ZNF124: variants seen among roughly 807,000 people sequenced by gnomAD.
The protein encoded by ZNF124 is zinc finger protein 124, also known as zinc finger protein HZF-16.
ZNF124 carries 25 observed loss-of-function variants against 26.6 expected under a neutral mutation model. The observed-to-expected ratio is 0.94, with a 90% CI of 0.68 to 1.31. The LOEUF is 1.31. Ranked by LOEUF, ZNF124 falls within the 40% of genes most tolerant of loss-of-function variation. ZNF124 has a pLI of 0.00. For synonymous variants in ZNF124, 129 were observed against 133.3 expected (o/e 0.97, Z 0.22); for missense variants, 444 against 422.2 (o/e 1.05, Z -0.45).
In ZNF124 at chr1:247,130,061, G is replaced by GAGA. The variant is rs1558370673; in HGVS notation, c.219-6191_219-6190insTCT. Among the ~76,000 whole-genome samples, 116 of 152,184 alleles carry GAGA rather than the reference G, an allele frequency of 7.6e-4. 1 individual carries two copies. The highest frequency in any genetic ancestry group is 3.6e-3 in the Admixed American group (55 of 15,286). ...CTTGACCCTTGAGTCAGCCATGTCCGTGCTCGTCAGTACTGCTACTCGTTT... is the reference window on the plus strand; with the variant it reads ...CTTGACCCTTGAGTCAGCCATGTCCGAGATGCTCGTCAGTACTGCTACTCGTTT... On this transcript the variant is annotated intron_variant, in intron 3 of 3. Transcript: ENST00000472531.
At chr1:247,163,196 T>A (rs760951587) in intron 1 of ZNF124, among the ~76,000 whole-genome samples, 1 of 151,748 alleles carries the variant, frequency 6.6e-6, no homozygotes, top group Non-Finnish European at 1.5e-5. Flanking sequence ...CATCAAAAAC[T>A]TTGAAAAGAT....
In ZNF124 at chr1:247,156,748, A is replaced by C. The variant is rs189653677; in HGVS notation, c.874T>G (p.Cys292Gly). 1.2e-6 allele frequency: 2 copies of C among 1,613,092 alleles called. No individual in the cohort carries two copies. The highest frequency in any genetic ancestry group is 2.2e-5 in the South Asian group (2 of 90,942). The part of the protein sequence containing the change: ...KTHIAQKPYV[C>G]NNCGKGFRCS... ...CTGAAGCCTTTACCACAATTGTTAC[A>C]TACATAGGGTTTCTGTGCAATATGA... Residue 292 changes from cysteine (C) to glycine (G), a missense_variant, in exon 4 of 4, where the codon TGT becomes GGT. Physicochemically the swap from Cys to Gly is radical, Grantham distance 159 (BLOSUM62 -3). Transcript: ENST00000543802.
chr1:247,130,132 G>A (rs1008767743), intron 3 of ZNF124, among the ~76,000 whole-genome samples: 18 of 152,154 alleles, frequency 1.2e-4, no homozygotes, highest in Admixed American at 4.6e-4. Context: ...TCAGTTTTTC[G>A]CTGATTGAAA....
At chr1:247,136,872 A>C (rs1376497021) in intron 3 of ZNF124, among the ~76,000 whole-genome samples, 1 of 151,846 alleles carries the variant, frequency 6.6e-6, no homozygotes, top group Non-Finnish European at 1.5e-5. Context: ...ACTTGATCCC[A>C]GGAGTTGGAA....
chr1:247,128,587 C>G (rs1320499513), intron 3 of ZNF124, among the ~76,000 whole-genome samples: 1 of 150,786 alleles, frequency 6.6e-6, no homozygotes, highest in Non-Finnish European at 1.5e-5. Flanking sequence ...CTTCTATACT[C>G]TTCCTCTAAA....
intron 1 of ZNF124, among the ~76,000 whole-genome samples, chr1:247,161,445 T>G (rs1281290143): frequency 3.3e-5 from 5 of 152,100 alleles, no homozygotes; most frequent in Non-Finnish European, 1.5e-5. Flanking sequence ...AAGTAAAAAG[T>G]ATAAATAGAC....
At chr1:247,153,898 A>G (rs1673016595), downstream of ZNF124, among the ~76,000 whole-genome samples, 1 of 152,164 alleles carries the variant, frequency 6.6e-6, no homozygotes, top group Non-Finnish European at 1.5e-5. Flanking sequence ...GATAATATAA[A>G]GTGATTATTT....
chr1:247,125,788 TGA>T (rs1672203775), intron 3 of ZNF124, among the ~76,000 whole-genome samples: 1 of 152,182 alleles, frequency 6.6e-6, no homozygotes, highest in Admixed American at 6.5e-5. Flanking sequence ...ACAACTTTAT[TGA>T]GAGAGGATTC....
At chr1:247,122,280 A>C (rs1672100599) in exon 4 of ZNF124, 1 of 152,350 alleles carries the variant, frequency 6.6e-6, no homozygotes. Flanking sequence ...TTAATACCTA[A>C]TCGTTTAACA....
chr1:247,157,784 G>T (rs1673236080), intron 3 of ZNF124, among the ~76,000 whole-genome samples: 1 of 152,102 alleles, frequency 6.6e-6, no homozygotes, highest in Admixed American at 6.6e-5. Context: ...ATTGAATACA[G>T]TTTGGGTATT....
At chr1:247,144,790 T>TG (rs1473358292) in intron 3 of ZNF124, among the ~76,000 whole-genome samples, 1 of 151,778 alleles carries the variant, frequency 6.6e-6, no homozygotes, top group South Asian at 2.1e-4. Context: ...CTTTTTTTTT[T>TG]TTTGAGACAG....
downstream of ZNF124, among the ~76,000 whole-genome samples, chr1:247,150,427 T>C (rs1672898282): frequency 6.6e-6 from 1 of 152,130 alleles, no homozygotes; most frequent in Admixed American, 6.5e-5. Flanking sequence ...GAGGGTGAGA[T>C]ATTAACTTGG....
At chr1:247,146,602 G>A (rs542110513) in intron 3 of ZNF124, among the ~76,000 whole-genome samples, 1 of 152,322 alleles carries the variant, frequency 6.6e-6, no homozygotes. Context: ...AAATGGCAAA[G>A]TGATCAAGTT....
intron 3 of ZNF124, 147 bp downstream of exon 3, chr1:247,158,859 C>T: frequency 1.5e-6 from 1 of 662,842 alleles, no homozygotes; most frequent in South Asian, 2.0e-5. Context: ...AAACTCCTGA[C>T]CTCAGGTGAT....
chr1:247,157,172 A>T lies in ZNF124; in HGVS notation c.450T>A (p.Tyr150Ter), dbSNP rs146001836. ...HQRNHTGEKP[Y>*]ECMECGKALG... is the part of the protein sequence containing the mutation. The stretch of plus-strand genomic sequence containing the variant: ...AGGCTTTCCCACATTCCATACATTC[A>T]TAGGGTTTCTCTCCAGTGTGATTTC... Residue 150 changes from tyrosine (Y) to a stop codon, truncating the protein, a stop_gained, in exon 4 of 4, where the codon TAT becomes TAA. Transcript: ENST00000543802. LOFTEE classifies it high-confidence loss of function. 6 of 1,614,082 alleles carry T rather than the reference A, an allele frequency of 3.7e-6. No individual in the cohort carries two copies. The highest frequency in any genetic ancestry group is 2.7e-5 in the African/African-American group (2 of 75,056).
exon 4 of ZNF124, chr1:247,123,779 G>C (rs1188282228): frequency 1.4e-6 from 1 of 696,808 alleles, no homozygotes; most frequent in Non-Finnish European, 2.6e-6. Context: ...GGGCTTTGGA[G>C]TCACGAAGTT....
At chr1:247,152,544 C>G (rs537079766), downstream of ZNF124, among the ~76,000 whole-genome samples, 1 of 152,102 alleles carries the variant, frequency 6.6e-6, no homozygotes, top group South Asian at 2.1e-4. Context: ...AAATTAACCA[C>G]GAATTACCTA....
intron 3 of ZNF124, among the ~76,000 whole-genome samples, chr1:247,124,627 AACTTTCTGTCTAATCTACTAATCT>A (rs1672163820): frequency 6.6e-6 from 1 of 152,182 alleles, no homozygotes; most frequent in African/African-American, 2.4e-5. Context: ...CAGCCTATGC[AACTTTCTGTCTAATCTACTAATCT>A]ACTTTCTGTC....
downstream of ZNF124, among the ~76,000 whole-genome samples, chr1:247,154,889 A>G (rs2103116112): frequency 6.6e-6 from 1 of 152,274 alleles, no homozygotes; most frequent in South Asian, 2.1e-4. Flanking sequence ...AATTTGAAAA[A>G]CCACAAGATC....
Sources: allele counts gnomAD v4.1 joint callset (sites outside exome capture counted in the v4.1 genomes callset), GRCh38; gene constraint gnomAD v4.1.1; transcripts MANE v1.5; gene names NCBI Gene and HGNC (gene_info 2026-07-23, HGNC 2026-07-21).